The following RBFOX1 variants were observed in gnomAD, a reference collection of about 807,000 sequenced individuals.
RBFOX1 encodes the protein RNA binding protein fox-1 homolog 1.
Under a neutral mutation model 57.7 loss-of-function variants are expected in RBFOX1, and 8 were observed. That is an observed-to-expected ratio of 0.14 (90% CI 0.08 to 0.25). RBFOX1 has a LOEUF of 0.25. Among genes scored for constraint, RBFOX1 ranks in the 10% least tolerant of loss-of-function variants. The probability of loss-of-function intolerance (pLI) is 1.00; values close to 1 mark genes in which losing one functional copy is unlikely to be tolerated. For synonymous variants in RBFOX1, 326 were observed against 222.4 expected, an observed-to-expected ratio of 1.47 and a Z score of -4.15; for missense variants, 611 against 548.5, an observed-to-expected ratio of 1.11 and a Z score of -1.14.
intron 4 of RBFOX1, among the ~76,000 whole-genome samples, chr16:7,083,903 CT>C (rs2153801523): frequency 1.3e-5 from 2 of 152,206 alleles, no homozygotes; most frequent in East Asian, 3.9e-4. Context: ...GCTAGGAACC[CT>C]ATCACTTAGC....
chr16:6,194,514 T>C lies in RBFOX1; in HGVS notation c.-126-122481T>C, dbSNP rs531859554. 3.3e-5 allele frequency among the ~76,000 whole-genome samples: 5 copies of C among 152,320 alleles called. No homozygotes were observed. The East Asian group carries it at 7.7e-4, about 24-fold the overall frequency. ...CCTATTTACAGTTCAGTGCACGTAA[T>C]GAGCCTGTACTCATTTCTCTGTCTT... is the stretch of plus-strand genomic sequence containing the variant. On this transcript the variant is annotated intron_variant, in intron 1 of 15. Coordinates refer to ENST00000550418, the MANE Select transcript of RBFOX1 (RefSeq NM_018723.4).
intron 2 of RBFOX1, among the ~76,000 whole-genome samples, chr16:5,559,816 A>G (rs1332730675): frequency 6.6e-6 from 1 of 152,140 alleles, no homozygotes; most frequent in Non-Finnish European, 1.5e-5. Flanking sequence ...TGCTTCCAGG[A>G]TGTGCACGGA....
At position 5,274,673 on chromosome 16, in the gene RBFOX1, C is replaced by T. The variant is rs945416643; in HGVS notation, c.219+34568C>T. ...GAGGAAATGCTGACTGTATTTCTGC[C>T]ATGTTCACTTATTAGTGGATGGGTT... On this transcript the variant is annotated intron_variant, in intron 1 of 2. Transcript: ENST00000585867. 2.0e-5 allele frequency among the ~76,000 whole-genome samples: 3 copies of T among 152,280 alleles called. No individual in the cohort carries two copies. The South Asian group carries it at 6.2e-4, about 32-fold the overall frequency.
At chr16:5,850,625 G>A (rs72769038) in intron 3 of RBFOX1, among the ~76,000 whole-genome samples, 2,227 of 152,278 alleles carry the variant, frequency 0.015, 29 homozygotes, top group Non-Finnish European at 0.023. Flanking sequence ...TTATGTGCAT[G>A]ATCACATTTA....
At chr16:6,531,391 A>T (rs2096656097) in intron 2 of RBFOX1, among the ~76,000 whole-genome samples, 1 of 152,172 alleles carries the variant, frequency 6.6e-6, no homozygotes, top group South Asian at 2.1e-4. Context: ...TCTCAGACAT[A>T]GGATCAGTTT....
chr16:6,802,186 C>G (rs1488208503), intron 3 of RBFOX1, among the ~76,000 whole-genome samples: 1 of 152,082 alleles, frequency 6.6e-6, no homozygotes, highest in Admixed American at 6.6e-5. Context: ...TTGGTTGCAT[C>G]CCAGCCTTTG....
At chr16:5,301,994 T>A (rs2063818441) in intron 1 of RBFOX1, among the ~76,000 whole-genome samples, 1 of 151,930 alleles carries the variant, frequency 6.6e-6, no homozygotes, top group Admixed American at 6.5e-5. Flanking sequence ...ACTTTAAGCT[T>A]CATTTGCTCC....
At chr16:6,921,993 C>T (rs1376537621) in intron 3 of RBFOX1, among the ~76,000 whole-genome samples, 1 of 152,270 alleles carries the variant, frequency 6.6e-6, no homozygotes, top group African/African-American at 2.4e-5. Flanking sequence ...ACAGAACTAG[C>T]ACAATGCCTA....
chr16:5,426,098 C>A (rs1036099247), intron 1 of RBFOX1, among the ~76,000 whole-genome samples: 10 of 152,152 alleles, frequency 6.6e-5, no homozygotes, highest in Admixed American at 5.2e-4. Context: ...ATCGATTTCA[C>A]ATTCAGGTGA....
intron 2 of RBFOX1, among the ~76,000 whole-genome samples, chr16:5,577,240 C>G (rs2046488724): frequency 6.6e-6 from 1 of 152,198 alleles, no homozygotes; most frequent in African/African-American, 2.4e-5. Context: ...GATCTAAGAA[C>G]AAGCAGACTC....
chr16:5,813,236 A>T (rs1473419717), intron 3 of RBFOX1, among the ~76,000 whole-genome samples: 1 of 152,086 alleles, frequency 6.6e-6, no homozygotes, highest in Non-Finnish European at 1.5e-5. Context: ...TTGAACTCCT[A>T]ACCTGATGAT....
chr16:6,100,224 C>G (rs1057072233), intron 1 of RBFOX1, among the ~76,000 whole-genome samples: 3 of 151,770 alleles, frequency 2.0e-5, no homozygotes, highest in Non-Finnish European at 2.9e-5. Flanking sequence ...GTGCAGTGGC[C>G]CGATCTCGGC....
chr16:6,056,842 C>CTTTTTT (rs61605263), intron 1 of RBFOX1: 20 of 148,628 alleles, frequency 1.3e-4, no homozygotes, highest in Non-Finnish European at 1.5e-4. Flanking sequence ...AGACTTAAGA[C>CTTTTTT]TTTTTTTTTT....
At chr16:6,901,318 G>A (rs1023631173) in intron 3 of RBFOX1, among the ~76,000 whole-genome samples, 19 of 152,172 alleles carry the variant, frequency 1.2e-4, no homozygotes, top group Admixed American at 2.0e-4. Context: ...TAGCAACACG[G>A]CAAGTCAACA....
At chr16:5,355,200 A>G in intron 1 of RBFOX1, among the ~76,000 whole-genome samples, 1 of 152,182 alleles carries the variant, frequency 6.6e-6, no homozygotes, top group East Asian at 1.9e-4. Flanking sequence ...TGAGTTTCCC[A>G]AACTTGCATC....
chr16:7,653,697 G>A, intron 11 of RBFOX1, 118 bp from the exon 12 acceptor site: 1 of 1,432,566 alleles, frequency 7.0e-7, no homozygotes, highest in Non-Finnish European at 9.4e-7. Context: ...CCGGGAAGCG[G>A]GCGGGGGTCC....
At chr16:5,319,838 C>G (rs139986166) in intron 1 of RBFOX1, among the ~76,000 whole-genome samples, 26 of 152,302 alleles carry the variant, frequency 1.7e-4, no homozygotes, top group African/African-American at 6.0e-4. Flanking sequence ...AACTCTGTGA[C>G]TACATCATGC....
At chr16:7,032,644 TG>T (rs1369729350) in intron 3 of RBFOX1, among the ~76,000 whole-genome samples, 1 of 152,112 alleles carries the variant, frequency 6.6e-6, no homozygotes, top group East Asian at 1.9e-4. Context: ...TCAAGCTAAT[TG>T]CTTGATGGAA....
chr16:7,078,723 C>G (rs1223047593), intron 4 of RBFOX1, among the ~76,000 whole-genome samples: 2 of 146,456 alleles, frequency 1.4e-5, no homozygotes, highest in African/African-American at 5.0e-5. Context: ...CGCTCTGTCA[C>G]CCAGGCTGGA....
Sources: gnomAD v4.1 joint callset for allele counts (sites outside exome capture counted in the v4.1 genomes callset) on GRCh38, gnomAD v4.1.1 for gene constraint, MANE v1.5 for transcripts, NCBI Gene and HGNC (gene_info 2026-07-23, HGNC 2026-07-21) for gene names.